CPM: variants seen among roughly 807,000 people sequenced by gnomAD.
The protein encoded by CPM is renal carboxypeptidase.
CPM carries 35 observed loss-of-function variants against 46.4 expected under a neutral mutation model. The ratio of observed to expected loss-of-function variants is 0.75; its 90% CI spans 0.58 to 1.00. The LOEUF (loss-of-function observed/expected upper bound fraction) is 1.00. Among genes scored for constraint, CPM ranks in the 50% least tolerant of loss-of-function variants. CPM has a pLI of 0.00. For missense variants in CPM, 422 were observed against 530.4 expected (o/e 0.80, Z 2.01); for synonymous variants, 195 against 195.3 (o/e 1.00, Z 0.01).
chr12:68,909,998 T>A (rs1432715327), intron 2 of CPM, among the ~76,000 whole-genome samples: 1 of 150,962 alleles, frequency 6.6e-6, no homozygotes, highest in Non-Finnish European at 1.5e-5. Flanking sequence ...ATAATAATAA[T>A]AATGAAGAAG....
chr12:68,913,268 T>A (rs1243252980), intron 2 of CPM, among the ~76,000 whole-genome samples: 1 of 152,154 alleles, frequency 6.6e-6, no homozygotes, highest in East Asian at 1.9e-4. Flanking sequence ...TGTCCCTCAA[T>A]GAAGTCTGAA....
chr12:68,929,267 C>T (rs1028601336), intron 2 of CPM, among the ~76,000 whole-genome samples: 6 of 152,036 alleles, frequency 3.9e-5, no homozygotes, highest in South Asian at 2.1e-4. Flanking sequence ...ATGACACACA[C>T]GTTTGTTTGC....
chr12:68,890,050 A>G (rs1886591219), intron 2 of CPM, among the ~76,000 whole-genome samples: 1 of 152,036 alleles, frequency 6.6e-6, no homozygotes, highest in African/African-American at 2.4e-5. Flanking sequence ...GCTCATTAAA[A>G]CAGCATGTTG....
At chr12:68,914,377 T>G (rs1460469862) in intron 2 of CPM, among the ~76,000 whole-genome samples, 1 of 152,054 alleles carries the variant, frequency 6.6e-6, no homozygotes, top group Non-Finnish European at 1.5e-5. Context: ...CCTAGCACAG[T>G]GCATGGCACA....
At chr12:68,935,855 A>G (rs1236205641), upstream of CPM, among the ~76,000 whole-genome samples, 7 of 152,142 alleles carry the variant, frequency 4.6e-5, no homozygotes, top group South Asian at 6.2e-4. Context: ...TAGAAATCCT[A>G]TCTTTTTAAG....
chr12:68,921,309 T>C (rs1454913233), intron 2 of CPM, among the ~76,000 whole-genome samples: 1 of 151,796 alleles, frequency 6.6e-6, no homozygotes, highest in Non-Finnish European at 1.5e-5. Context: ...GCCCGGCTAA[T>C]TTTTGTAATT....
At chr12:68,896,224 CTCAGCTA>C (rs1162553542) in intron 2 of CPM, among the ~76,000 whole-genome samples, 2 of 152,330 alleles carry the variant, frequency 1.3e-5, no homozygotes, top group Non-Finnish European at 2.9e-5. Flanking sequence ...CTTTTCAAGG[CTCAGCTA>C]AAAGCCTCCT....
chr12:68,858,562 G>A (rs1038729564), intron 8 of CPM, among the ~76,000 whole-genome samples: 7 of 152,106 alleles, frequency 4.6e-5, no homozygotes, highest in Admixed American at 3.3e-4. Flanking sequence ...AGTGTATGCC[G>A]TGGAATGGGT....
At chr12:68,928,199 A>C (rs948998062) in intron 2 of CPM, among the ~76,000 whole-genome samples, 1 of 152,184 alleles carries the variant, frequency 6.6e-6, no homozygotes, top group Admixed American at 6.5e-5. Context: ...CAGAACAGAG[A>C]CCTCAGAAAT....
At chr12:68,931,773 A>C (rs1025583271) in intron 2 of CPM, among the ~76,000 whole-genome samples, 37 of 150,258 alleles carry the variant, frequency 2.5e-4, no homozygotes, top group Admixed American at 8.6e-4. Flanking sequence ...AAAAGAAAGA[A>C]AGAAAGAAAG....
intron 2 of CPM, among the ~76,000 whole-genome samples, chr12:68,924,867 A>G (rs1490303310): frequency 1.3e-5 from 2 of 152,200 alleles, no homozygotes; most frequent in African/African-American, 2.4e-5. Context: ...AGTTGAGGGC[A>G]AGTGATCATG....
intron 1 of CPM, chr12:68,957,390 T>C: frequency 3.9e-6 from 1 of 258,224 alleles, no homozygotes; most frequent in Non-Finnish European, 8.0e-6. Flanking sequence ...GGGGGCACCA[T>C]ACTGTTCCTT....
At chr12:68,863,549 C>T (rs1313578408) in intron 7 of CPM, among the ~76,000 whole-genome samples, 2 of 152,184 alleles carry the variant, frequency 1.3e-5, no homozygotes, top group Admixed American at 6.5e-5. Flanking sequence ...GAAGGAATAA[C>T]ACCACTGAAG....
At chr12:68,910,197 C>T (rs1018676749) in intron 2 of CPM, among the ~76,000 whole-genome samples, 1 of 152,036 alleles carries the variant, frequency 6.6e-6, no homozygotes, top group Admixed American at 6.6e-5. Context: ...GACCTAAAGA[C>T]TCATCAATAT....
Position 68,856,663 on chromosome 12 carries a change from T to C in CPM, c.1106A>G (p.His369Arg), listed in dbSNP as rs1441646806. The change falls in exon 9 of 9, where the codon CAT becomes CGT. Residue 369 changes from histidine (H) to arginine (R), a missense_variant. Coordinates refer to ENST00000551568, the MANE Select transcript of CPM (RefSeq NM_198320.5). The part of the protein sequence containing the change: ...SYIINVTVPG[H>R]DPHITKVIIP... ...AATCACCTTTGTGATGTGTGGATCA[T>C]GTCCAGGGACTGTAACCTGAGAAGA... The C allele has an allele frequency of 3.1e-6, 5 of 1,614,062 alleles. No individual in the cohort carries two copies. Among genetic ancestry groups the C allele is most frequent in the East Asian group, 2.2e-5 (1 of 44,900 alleles).
chr12:68,918,085 T>C lies in CPM; in HGVS notation c.160+14593A>G, dbSNP rs1023630762. Among the ~76,000 whole-genome samples the C allele has an allele frequency of 1.2e-4, 19 of 152,290 alleles. 1 individual carries two copies. Among genetic ancestry groups the C allele is most frequent in the Admixed American group, 9.8e-4 (15 of 15,302 alleles). ...TGAGTGAGTCCTTCCAGCAAATCAC[T>C]AGTAGGTGGTCATGGTACTCCCCAA... On this transcript the variant is annotated intron_variant, in intron 2 of 8. Transcript: ENST00000551568.
chr12:68,913,134 AG>A (rs1887666773), intron 2 of CPM, among the ~76,000 whole-genome samples: 9 of 152,148 alleles, frequency 5.9e-5, no homozygotes, highest in Non-Finnish European at 1.3e-4. Context: ...TCTAGTGTAC[AG>A]TCTTCCTCCA....
chr12:68,952,306 C>T (rs1888947911), intron 1 of CPM, among the ~76,000 whole-genome samples: 1 of 152,138 alleles, frequency 6.6e-6, no homozygotes, highest in Non-Finnish European at 1.5e-5. Flanking sequence ...TTCCCTTAGA[C>T]CCAGGTTAGC....
chr12:68,900,530 T>C (rs1363348166), intron 2 of CPM, among the ~76,000 whole-genome samples: 1 of 152,230 alleles, frequency 6.6e-6, no homozygotes, highest in Non-Finnish European at 1.5e-5. Context: ...AAGCTCCTTG[T>C]TATTTAACAA....
Sources: gnomAD v4.1 joint callset for allele counts (sites outside exome capture counted in the v4.1 genomes callset) on GRCh38, gnomAD v4.1.1 for gene constraint, MANE v1.5 for transcripts, NCBI Gene and HGNC (gene_info 2026-07-23, HGNC 2026-07-21) for gene names.